The following SPOP variants were observed in gnomAD, a reference collection of about 807,000 sequenced individuals.
The protein encoded by SPOP is speckle-type POZ protein.
Under a neutral mutation model 45.6 loss-of-function variants are expected in SPOP, and 11 were observed. The ratio of observed to expected loss-of-function variants is 0.24; its 90% CI spans 0.15 to 0.40. SPOP has a LOEUF of 0.40. Ranked by LOEUF, SPOP falls within the 10% of genes least tolerant of loss-of-function variation. The pLI is 1.00. For synonymous variants in SPOP, 166 were observed against 166.3 expected (o/e 1.00, Z 0.01); for missense variants, 152 against 465.6 (o/e 0.33, Z 6.20).
At chr17:49,645,426 A>C (rs1383536958) in intron 1 of SPOP, among the ~76,000 whole-genome samples, 1 of 151,744 alleles carries the variant, frequency 6.6e-6, no homozygotes, top group African/African-American at 2.4e-5. Flanking sequence ...CAGCCTCCTA[A>C]GTAGCTGGGA....
chr17:49,604,713 C>T (rs1179951648), intron 8 of SPOP, among the ~76,000 whole-genome samples: 2 of 152,146 alleles, frequency 1.3e-5, no homozygotes, highest in East Asian at 3.8e-4. Context: ...GGAAAAGCTC[C>T]CACAGGGTAA....
chr17:49,613,774 AAATG>A (rs1181072898), intron 5 of SPOP, among the ~76,000 whole-genome samples: 8 of 152,256 alleles, frequency 5.3e-5, no homozygotes, highest in African/African-American at 1.2e-4. Context: ...TGGCATTCAC[AAATG>A]AGTCTTCAGA....
At chr17:49,644,018 G>A (rs1169735956) in intron 1 of SPOP, among the ~76,000 whole-genome samples, 1 of 151,326 alleles carries the variant, frequency 6.6e-6, no homozygotes, top group Admixed American at 6.6e-5. Flanking sequence ...AGCAGTAACT[G>A]AAATTTATTA....
At position 49,637,508 on chromosome 17, in the gene SPOP, G is replaced by A. The variant is rs147378074; in HGVS notation, c.-66-14632C>T. Among the ~76,000 whole-genome samples the A allele has an allele frequency of 5.3e-3, 813 of 152,136 alleles. 8 individuals carry two copies. Among genetic ancestry groups the A allele is most frequent in the African/African-American group, 0.018 (762 of 41,518 alleles). ...TGGGATTACAGGTGCCTGCCACCAC[G>A]CCTGGCTAATTTTTGTATTTTTAAT... On this transcript the variant is annotated intron_variant, in intron 1 of 9. Coordinates refer to ENST00000504102, the MANE Select transcript of SPOP (RefSeq NM_001007228.2).
chr17:49,639,537 T>C (rs922990528), intron 1 of SPOP, among the ~76,000 whole-genome samples: 1 of 152,190 alleles, frequency 6.6e-6, no homozygotes, highest in Non-Finnish European at 1.5e-5. Flanking sequence ...CAGAATGCTA[T>C]ATGGCAATGA....
chr17:49,604,987 G>A (rs965766359), intron 8 of SPOP, among the ~76,000 whole-genome samples: 7 of 152,148 alleles, frequency 4.6e-5, no homozygotes, highest in Non-Finnish European at 8.8e-5. Context: ...GAGAAATCCT[G>A]CAGTAAGATA....
At chr17:49,655,296 G>A (rs2072892622) in intron 1 of SPOP, among the ~76,000 whole-genome samples, 1 of 152,128 alleles carries the variant, frequency 6.6e-6, no homozygotes, top group Non-Finnish European at 1.5e-5. Context: ...TGTATCACGA[G>A]GTCAGGAGAT....
At chr17:49,601,305 C>A (rs2071734771) in intron 9 of SPOP, 1 of 152,242 alleles carries the variant, frequency 6.6e-6, no homozygotes, top group African/African-American at 2.4e-5. Context: ...GTTGTAGTTA[C>A]AACTCATCTT....
At chr17:49,625,672 T>TA (rs200609930) in intron 1 of SPOP, among the ~76,000 whole-genome samples, 3,524 of 151,930 alleles carry the variant, frequency 0.023, 148 homozygotes, top group African/African-American at 0.08. Flanking sequence ...ACAGAGCTAA[T>TA]AAAAAAAAGC....
intron 1 of SPOP, among the ~76,000 whole-genome samples, chr17:49,663,510 T>A (rs949187507): frequency 9.2e-5 from 14 of 152,250 alleles, no homozygotes; most frequent in Non-Finnish European, 1.0e-4. Context: ...AACAATTGCT[T>A]GCACTTAAGA....
chr17:49,613,312 C>T (rs1433068186), intron 5 of SPOP, among the ~76,000 whole-genome samples: 6 of 150,390 alleles, frequency 4.0e-5, no homozygotes, highest in African/African-American at 1.2e-4. Flanking sequence ...CAATTAAATC[C>T]AACTTTCTCA....
intron 1 of SPOP, among the ~76,000 whole-genome samples, chr17:49,641,786 C>A (rs1423284075): frequency 6.6e-6 from 1 of 152,092 alleles, no homozygotes; most frequent in Non-Finnish European, 1.5e-5. Flanking sequence ...CTTTGGGAGG[C>A]CGAGGTGGGT....
intron 1 of SPOP, among the ~76,000 whole-genome samples, chr17:49,664,607 G>A (rs759690921): frequency 2.0e-5 from 3 of 152,142 alleles, no homozygotes; most frequent in Non-Finnish European, 4.4e-5. Context: ...AGACGACAGT[G>A]AGAATCACTG....
intron 1 of SPOP, among the ~76,000 whole-genome samples, chr17:49,642,411 T>C (rs565140519): frequency 4.2e-4 from 64 of 151,564 alleles, no homozygotes; most frequent in African/African-American, 1.4e-3. Flanking sequence ...TAGCTGAGCA[T>C]GCTGGCATGC....
chr17:49,607,895 A>G lies in SPOP; in HGVS notation c.693T>C (p.His231=). ...ATACCTTTTTGCTCTCCTCCATTTC[A>G]TGTTCAAACATGGCACTAAAAACCG... ...RSPVFSAMFE[H]EMEESKKNRV... The change falls in exon 7 of 10, where the codon CAT becomes CAC. Residue 231 remains histidine (H), a synonymous_variant. Transcript: ENST00000504102. The G allele has an allele frequency of 6.2e-7, 1 of 1,612,506 alleles. No homozygotes were observed. The highest frequency in any genetic ancestry group is 8.5e-7 in the Non-Finnish European group (1 of 1,179,008).
At chr17:49,651,529 C>T (rs2072843007) in intron 1 of SPOP, among the ~76,000 whole-genome samples, 1 of 152,174 alleles carries the variant, frequency 6.6e-6, no homozygotes, top group Non-Finnish European at 1.5e-5. Context: ...TTCAATTCAA[C>T]CAAATCTTTA....
intron 1 of SPOP, among the ~76,000 whole-genome samples, chr17:49,672,740 A>C (rs2143583727): frequency 6.6e-6 from 1 of 152,274 alleles, no homozygotes; most frequent in Middle Eastern, 3.4e-3. Flanking sequence ...TGAGTTCAGG[A>C]GTTCGAGACT....
chr17:49,639,911 C>T (rs2072614203), intron 1 of SPOP, among the ~76,000 whole-genome samples: 1 of 152,048 alleles, frequency 6.6e-6, no homozygotes, highest in Non-Finnish European at 1.5e-5. Context: ...TTAATCCTTA[C>T]ATTATACAGT....
chr17:49,632,166 T>C (rs2072462603), intron 1 of SPOP, among the ~76,000 whole-genome samples: 1 of 152,222 alleles, frequency 6.6e-6, no homozygotes, highest in African/African-American at 2.4e-5. Context: ...TTAGGAGTTG[T>C]TGAATGAATG....
Sources: allele counts gnomAD v4.1 joint callset (sites outside exome capture counted in the v4.1 genomes callset), GRCh38; gene constraint gnomAD v4.1.1; transcripts MANE v1.5; gene names NCBI Gene and HGNC (gene_info 2026-07-23, HGNC 2026-07-21).